CDH17: variants seen among roughly 807,000 people sequenced by gnomAD.
CDH17 encodes the protein cadherin 17.
In CDH17, 67 loss-of-function variants were observed where a neutral mutation model predicts 86.3. The observed-to-expected ratio is 0.78, with a 90% CI of 0.64 to 0.95. CDH17 has a LOEUF of 0.95. Among genes scored for constraint, CDH17 ranks in the 40% least tolerant of loss-of-function variants. The pLI, the probability that CDH17 is intolerant of heterozygous loss-of-function variation, is 0.00. For missense variants in CDH17, 993 were observed against 1,017.6 expected, an observed-to-expected ratio of 0.98 and a Z score of 0.33; for synonymous variants, 367 against 366.4, an observed-to-expected ratio of 1.00 and a Z score of -0.02.
chr8:94,137,518 T>G (rs1191273520), intron 15 of CDH17, among the ~76,000 whole-genome samples: 1 of 151,998 alleles, frequency 6.6e-6, no homozygotes, highest in Non-Finnish European at 1.5e-5. Flanking sequence ...TGGGTGGGAG[T>G]GTCCTGTTTT....
intron 3 of CDH17, among the ~76,000 whole-genome samples, chr8:94,181,808 G>A (rs1467003973): frequency 1.3e-5 from 2 of 151,608 alleles, no homozygotes; most frequent in African/African-American, 4.8e-5. Flanking sequence ...TTAATGAAAT[G>A]GAGAATATAA....
chr8:94,180,889 C>G (rs1483569581), intron 3 of CDH17, among the ~76,000 whole-genome samples: 1 of 144,688 alleles, frequency 6.9e-6, no homozygotes, highest in Admixed American at 6.8e-5. Context: ...AGTGAGATTC[C>G]CAGAGTGAGA....
chr8:94,214,523 T>C (rs1814167368), intron 1 of CDH17, among the ~76,000 whole-genome samples: 1 of 152,118 alleles, frequency 6.6e-6, no homozygotes, highest in Non-Finnish European at 1.5e-5. Context: ...AGACATAAAT[T>C]ATAAGGGCTG....
At chr8:94,198,394 T>C (rs920410879) in intron 1 of CDH17, among the ~76,000 whole-genome samples, 2 of 152,190 alleles carry the variant, frequency 1.3e-5, no homozygotes, top group East Asian at 1.9e-4. Flanking sequence ...TGGAAACACA[T>C]AGAAACAAGT....
rs6981357 is a variant in CDH17 at position 94,176,444 on chromosome 8, A to G, written c.424+97T>C. On this transcript the variant is annotated intron_variant, in intron 5 of 17. Transcript: ENST00000027335. Reference sequence around the variant, plus strand: ...GTGAAATGTAGGTAAGATAGTGCTTATTGAGTGACAGCTGCAGCTATTAGC... The same window carrying G: ...GTGAAATGTAGGTAAGATAGTGCTTGTTGAGTGACAGCTGCAGCTATTAGC... The G allele has an allele frequency of 7.6e-3, 9,874 of 1,303,184 alleles. 552 individuals are homozygous for G. The African/African-American group carries it at 0.13, about 17-fold the overall frequency. The allele number at this position is 1,303,184 out of a possible 1,614,324, so 80.7% of individuals were successfully genotyped here.
chr8:94,165,928 G>T lies in CDH17; in HGVS notation c.1115C>A (p.Thr372Asn). 1 of 1,613,872 alleles carries T rather than the reference G, an allele frequency of 6.2e-7. No homozygotes were observed. Among genetic ancestry groups the T allele is most frequent in the Non-Finnish European group, 8.5e-7 (1 of 1,179,872 alleles). ...LTAHDRDEEN[T>N]ANSFLNYRIV... ...CCTGTAGTTTAGAAAACTGTTGGCA[G>T]TATTTTCTTCATCCCTGTCATGTGC... is the stretch of plus-strand genomic sequence containing the variant. Residue 372 changes from threonine to asparagine, a missense_variant, in exon 10 of 18, where the codon ACT becomes AAT. Transcript: ENST00000027335.
At chr8:94,141,908 T>G (rs886612831) in intron 15 of CDH17, among the ~76,000 whole-genome samples, 1 of 152,138 alleles carries the variant, frequency 6.6e-6, no homozygotes, top group Non-Finnish European at 1.5e-5. Context: ...GAAGGAATTT[T>G]GAAAAAGAAC....
At position 94,194,716 on chromosome 8, in the gene CDH17, AC is replaced by A; in HGVS notation, c.-20-12del. 1 of 1,493,108 alleles carries A rather than the reference AC, an allele frequency of 6.7e-7. No individual in the cohort carries two copies. Among genetic ancestry groups the A allele is most frequent in the Non-Finnish European group, 9.3e-7 (1 of 1,080,838 alleles). 92.5% of individuals were successfully genotyped at this position (1,493,108 alleles called of 1,614,324 possible). The stretch of plus-strand genomic sequence containing the variant: ...TCTTTATTCAAATTCCTGTGAAGGA[AC>A]CAGATAAAAAAATGGTTAGTTACCA... On this transcript the variant is annotated splice_polypyrimidine_tract_variant and intron_variant, in intron 1 of 17. Transcript: ENST00000027335.
chr8:94,138,330 A>T (rs1156270338), intron 15 of CDH17, among the ~76,000 whole-genome samples: 1 of 152,204 alleles, frequency 6.6e-6, no homozygotes, highest in African/African-American at 2.4e-5. Context: ...CCATGGGTTT[A>T]AAGATTTATA....
At chr8:94,172,904 G>A (rs908329806) in intron 7 of CDH17, among the ~76,000 whole-genome samples, 4 of 152,204 alleles carry the variant, frequency 2.6e-5, no homozygotes, top group South Asian at 4.2e-4. Flanking sequence ...AAGGGGAAAG[G>A]TTCCCTACTA....
chr8:94,133,268 T>C (rs1240778356), intron 15 of CDH17, among the ~76,000 whole-genome samples: 1 of 152,220 alleles, frequency 6.6e-6, no homozygotes, highest in Admixed American at 6.5e-5. Flanking sequence ...ATGGCCATTT[T>C]CACGACATTG....
intron 8 of CDH17, 126 bp downstream of exon 8, chr8:94,170,728 C>A: frequency 7.3e-7 from 1 of 1,372,576 alleles, no homozygotes. Flanking sequence ...CTTTGAAAAC[C>A]AATAATATGC....
intron 3 of CDH17, among the ~76,000 whole-genome samples, chr8:94,182,760 C>G (rs1028475880): frequency 6.6e-6 from 1 of 151,880 alleles, no homozygotes; most frequent in Non-Finnish European, 1.5e-5. Context: ...GAGATTCTAG[C>G]AAGGGGAATT....
At chr8:94,139,305 GA>G (rs1018837659) in intron 15 of CDH17, among the ~76,000 whole-genome samples, 2 of 151,752 alleles carry the variant, frequency 1.3e-5, no homozygotes, top group Middle Eastern at 3.4e-3. Flanking sequence ...AAAAGAAATA[GA>G]AAAAAAATAA....
intron 7 of CDH17, 97 bp from the exon 8 acceptor site, chr8:94,171,082 A>G (rs1393789590): frequency 7.8e-7 from 1 of 1,276,794 alleles, no homozygotes; most frequent in Admixed American, 2.4e-5. Context: ...AATCTCTGAC[A>G]ACCTTGTATG....
intron 1 of CDH17, chr8:94,201,995 T>C: frequency 9.2e-6 from 2 of 217,666 alleles, no homozygotes; most frequent in South Asian, 7.6e-5. Context: ...AGGAATAGCT[T>C]TGAGTTTTGG....
upstream of CDH17, among the ~76,000 whole-genome samples, chr8:94,208,878 C>CA (rs1177276109): frequency 2.6e-5 from 4 of 152,120 alleles, no homozygotes; most frequent in Non-Finnish European, 5.9e-5. Flanking sequence ...AAAGACTTTC[C>CA]ATATTTTGTA....
intron 3 of CDH17, among the ~76,000 whole-genome samples, chr8:94,178,018 C>T (rs1675225595): frequency 1.3e-5 from 2 of 152,164 alleles, no homozygotes; most frequent in Admixed American, 1.3e-4. Flanking sequence ...AAATCTATGA[C>T]ATTACTAGCT....
intron 14 of CDH17, 23 bp downstream of exon 14, chr8:94,148,721 G>GTTTTTT (rs151133817): frequency 1.8e-5 from 20 of 1,123,028 alleles, no homozygotes; most frequent in East Asian, 4.2e-5. Flanking sequence ...CTTTTTTTTT[G>GTTTTTT]TTTTTTTTTT....
Sources: gnomAD v4.1 joint callset for allele counts (sites outside exome capture counted in the v4.1 genomes callset) on GRCh38, gnomAD v4.1.1 for gene constraint, MANE v1.5 for transcripts, NCBI Gene and HGNC (gene_info 2026-07-23, HGNC 2026-07-21) for gene names.